SMC1B: variants seen among roughly 807,000 people sequenced by gnomAD.
The protein encoded by SMC1B is structural maintenance of chromosomes 1B.
In SMC1B, 60 loss-of-function variants were observed where a neutral mutation model predicts 157.9. That is an observed-to-expected ratio of 0.38 (90% CI 0.31 to 0.47). SMC1B has a LOEUF of 0.47. SMC1B is among the 20% of genes least tolerant of loss of function. The pLI is 0.99. For synonymous variants in SMC1B, 445 were observed against 483.0 expected (o/e 0.92, Z 1.03); for missense variants, 1,165 against 1,426.2 (o/e 0.82, Z 2.95).
chr22:45,355,147 A>G, intron 19 of SMC1B, 32 bp from the exon 20 acceptor site: 1 of 1,612,598 alleles, frequency 6.2e-7, no homozygotes. Flanking sequence ...ACTGACTGGC[A>G]TGGCATGTCT....
intron 23 of SMC1B, among the ~76,000 whole-genome samples, chr22:45,348,982 G>C (rs1008325835): frequency 6.7e-6 from 1 of 150,266 alleles, no homozygotes; most frequent in African/African-American, 2.5e-5. Context: ...GAGATTACAG[G>C]CATGAGCCAC....
intron 12 of SMC1B, among the ~76,000 whole-genome samples, chr22:45,372,696 C>T (rs2086845461): frequency 6.6e-6 from 1 of 151,180 alleles, no homozygotes; most frequent in African/African-American, 2.4e-5. Context: ...CTCAGACACT[C>T]CCTCCCATTG....
In SMC1B at chr22:45,362,312, C is replaced by T. The variant is rs1047322372; in HGVS notation, c.2563-328G>A. Among the ~76,000 whole-genome samples, 7 of 152,164 alleles carry T rather than the reference C, an allele frequency of 4.6e-5. No homozygotes were observed. The East Asian group carries it at 9.6e-4, about 21-fold the overall frequency. On this transcript the variant is annotated intron_variant, in intron 16 of 24. Coordinates refer to ENST00000357450, the MANE Select transcript of SMC1B (RefSeq NM_148674.5). The stretch of plus-strand genomic sequence containing the variant: ...CAATTAAACATTTTCCAGACTTTTA[C>T]GTTTTTGACAGCCTTGATCATTTCC...
chr22:45,359,209 G>T (rs923623550), intron 18 of SMC1B, among the ~76,000 whole-genome samples: 1 of 152,174 alleles, frequency 6.6e-6, no homozygotes, highest in Non-Finnish European at 1.5e-5. Context: ...CTCGGATTTT[G>T]ATATACATGG....
At chr22:45,387,404 C>G (rs751809549) in intron 10 of SMC1B, among the ~76,000 whole-genome samples, 3 of 152,036 alleles carry the variant, frequency 2.0e-5, no homozygotes, top group Non-Finnish European at 4.4e-5. Flanking sequence ...GAGCTGAGAT[C>G]GCGCTACTGC....
chr22:45,376,570 G>A (rs2086885612), intron 12 of SMC1B, among the ~76,000 whole-genome samples: 1 of 151,570 alleles, frequency 6.6e-6, no homozygotes, highest in Non-Finnish European at 1.5e-5. Context: ...AGGTTTCTGG[G>A]GTGACAAAAA....
chr22:45,387,445 G>A (rs1027900109), intron 10 of SMC1B, among the ~76,000 whole-genome samples: 2 of 138,058 alleles, frequency 1.4e-5, no homozygotes, highest in African/African-American at 6.3e-5. Flanking sequence ...GTGAGACTCC[G>A]TCTCAAAAAC....
At chr22:45,374,153 G>A (rs1602067364) in intron 12 of SMC1B, among the ~76,000 whole-genome samples, 1 of 118,056 alleles carries the variant, frequency 8.5e-6, no homozygotes, top group Admixed American at 1.2e-4. Flanking sequence ...ATATGAGAAA[G>A]AATCTTGTGT....
At chr22:45,401,019 G>A (rs1325483827) in intron 5 of SMC1B, among the ~76,000 whole-genome samples, 2 of 152,112 alleles carry the variant, frequency 1.3e-5, no homozygotes, top group African/African-American at 4.8e-5. Flanking sequence ...GGTGCCTAAG[G>A]AGACATATAA....
chr22:45,371,411 A>G lies in SMC1B; in HGVS notation c.2313+60T>C, dbSNP rs191608860. ...TTTAGCATATATTTAAGAAGCCCTA[A>G]ATCTAGTATCTGGTCTAGAACTACA... On this transcript the variant is annotated intron_variant, in intron 14 of 24. Transcript: ENST00000357450. 96 of 1,469,922 alleles carry G rather than the reference A, an allele frequency of 6.5e-5. 3 individuals are homozygous for G. In the East Asian group the frequency reaches 2.3e-3, roughly 36 times the overall value. The allele number at this position is 1,469,922 out of a possible 1,614,324, so 91.1% of individuals were successfully genotyped here. A position where few individuals can be genotyped will look rare whatever the true frequency, so the allele number is the denominator to read the frequency against.
chr22:45,376,320 T>C (rs1024316120), intron 12 of SMC1B, among the ~76,000 whole-genome samples: 14 of 152,152 alleles, frequency 9.2e-5, no homozygotes, highest in Non-Finnish European at 1.8e-4. Context: ...AATCAGACAG[T>C]ATTTGTCTTC....
chr22:45,377,776 T>A (rs2086897416), intron 12 of SMC1B, among the ~76,000 whole-genome samples: 1 of 152,068 alleles, frequency 6.6e-6, no homozygotes, highest in Admixed American at 6.6e-5. Flanking sequence ...GCTCAAGTGA[T>A]CCTCCTGCCT....
chr22:45,400,750 A>G (rs952026873), intron 5 of SMC1B, among the ~76,000 whole-genome samples: 2 of 152,354 alleles, frequency 1.3e-5, no homozygotes, highest in Admixed American at 6.5e-5. Flanking sequence ...CAACATCAAC[A>G]GTGATACCAT....
At chr22:45,350,757 C>A (rs986405490) in intron 22 of SMC1B, among the ~76,000 whole-genome samples, 1 of 152,140 alleles carries the variant, frequency 6.6e-6, no homozygotes, top group Non-Finnish European at 1.5e-5. Flanking sequence ...TTGATTAGGT[C>A]AAAACCCACA....
chr22:45,387,702 T>C (rs565162076), intron 10 of SMC1B, among the ~76,000 whole-genome samples: 1 of 152,262 alleles, frequency 6.6e-6, no homozygotes, highest in South Asian at 2.1e-4. Flanking sequence ...ATTTTAGATA[T>C]GTGTCAAGAG....
At chr22:45,409,986 A>G (rs1312152247) in intron 1 of SMC1B, among the ~76,000 whole-genome samples, 2 of 152,226 alleles carry the variant, frequency 1.3e-5, no homozygotes, top group Non-Finnish European at 2.9e-5. Flanking sequence ...CTCCCGATAA[A>G]AACGCTGCAC....
chr22:45,395,967 G>A (rs753193366), intron 7 of SMC1B, among the ~76,000 whole-genome samples: 3 of 152,198 alleles, frequency 2.0e-5, no homozygotes, highest in Non-Finnish European at 2.9e-5. Context: ...GGTAACTCTA[G>A]ATTTTAACAT....
chr22:45,404,827 T>C lies in SMC1B; in HGVS notation c.615+1633A>G, dbSNP rs547240180. On this transcript the variant is annotated intron_variant, in intron 4 of 24. Transcript: ENST00000357450. The stretch of plus-strand genomic sequence containing the variant: ...ACCTTGGGCACATGTTCTCAGGATC[T>C]CCTTAGAGCTGTGTCACAGGCCATG... Among the ~76,000 whole-genome samples the C allele has an allele frequency of 2.6e-5, 4 of 152,352 alleles. No homozygotes were observed. In the South Asian group the frequency reaches 8.3e-4, roughly 32 times the overall value.
intron 9 of SMC1B, 69 bp from the exon 10 acceptor site, chr22:45,389,966 T>C: frequency 7.5e-7 from 1 of 1,326,512 alleles, no homozygotes; most frequent in Admixed American, 2.2e-5. Context: ...CATTATTTTC[T>C]AATGTAACAA....
Sources: allele counts gnomAD v4.1 joint callset (sites outside exome capture counted in the v4.1 genomes callset), GRCh38; gene constraint gnomAD v4.1.1; transcripts MANE v1.5; gene names NCBI Gene and HGNC (gene_info 2026-07-23, HGNC 2026-07-21).